Variants in SLC38A10 observed in about 807,000 individuals in gnomAD.
SLC38A10 encodes the protein solute carrier family 38 member 10.
A neutral mutation model predicts 81.0 loss-of-function variants in SLC38A10; 53 were observed. That is an observed-to-expected ratio of 0.65 (90% CI 0.53 to 0.82). The LOEUF (loss-of-function observed/expected upper bound fraction) is 0.82, where lower values mean the gene tolerates loss of function less well. Ranked by LOEUF, SLC38A10 falls within the 40% of genes least tolerant of loss-of-function variation. The probability of loss-of-function intolerance (pLI) is 0.00; values close to 1 mark genes in which losing one functional copy is unlikely to be tolerated. For missense variants in SLC38A10, 1,471 were observed against 1,545.0 expected, an observed-to-expected ratio of 0.95 and a Z score of 0.80; for synonymous variants, 665 against 655.3, an observed-to-expected ratio of 1.01 and a Z score of -0.23.
intron 1 of SLC38A10, among the ~76,000 whole-genome samples, chr17:81,290,505 T>C (rs2063301901): frequency 6.6e-6 from 1 of 152,212 alleles, no homozygotes; most frequent in Admixed American, 6.5e-5. Flanking sequence ...GAAGCTGGAC[T>C]CTGAATGCTA....
chr17:81,245,483 G>T lies in SLC38A10; in HGVS notation c.*73C>A. 1 of 1,499,536 alleles carries T rather than the reference G, an allele frequency of 6.7e-7. No individual in the cohort carries two copies. The allele number at this position is 1,499,536 out of a possible 1,614,324, so 92.9% of individuals were successfully genotyped here. The stretch of plus-strand genomic sequence containing the variant: ...GAGTGTGACCTCCAGAGTTTGGCTG[G>T]GATGCGGCTGAGACAGACCTGCTGC... On this transcript the variant is annotated 3_prime_UTR_variant, in exon 16 of 16. Transcript: ENST00000374759.
At position 81,245,676 on chromosome 17, in the gene SLC38A10, G is replaced by T; in HGVS notation, c.3240C>A (p.Val1080=). The change falls in exon 16 of 16, where the codon GTC becomes GTA. Residue 1080 remains valine (V), a synonymous_variant. Coordinates refer to ENST00000374759, the MANE Select transcript of SLC38A10 (RefSeq NM_001037984.3). ...VIIGLNPLPD[V]QVNDLRGALD... ...GGGCGCCACGGAGGTCGTTCACCTG[G>T]ACATCAGGCAGGGGGTTAAGGCCAA... The T allele has an allele frequency of 1.2e-6, 2 of 1,608,378 alleles. No homozygotes were observed. The highest frequency in any genetic ancestry group is 1.7e-6 in the Non-Finnish European group (2 of 1,177,930).
chr17:81,272,836 C>T (rs977391661), intron 8 of SLC38A10, among the ~76,000 whole-genome samples: 5 of 152,172 alleles, frequency 3.3e-5, no homozygotes, highest in Non-Finnish European at 5.9e-5. Context: ...CAGGAAGGCA[C>T]GAGGGCTTCT....
intron 3 of SLC38A10, 131 bp downstream of exon 3, chr17:81,284,719 T>C (rs1013187031): frequency 7.5e-6 from 5 of 666,372 alleles, no homozygotes; most frequent in Non-Finnish European, 7.2e-6. Flanking sequence ...TGGACTTTCA[T>C]GTATTTAGCG....
chr17:81,247,029 C>G lies in SLC38A10; in HGVS notation c.2098G>C (p.Val700Leu). The G allele has an allele frequency of 6.3e-7, 1 of 1,597,996 alleles. No individual in the cohort carries two copies. The highest frequency in any genetic ancestry group is 8.5e-7 in the Non-Finnish European group (1 of 1,175,586). The change falls in exon 15 of 16, where the codon GTC becomes CTC. Residue 700 changes from valine (V) to leucine (L), a missense_variant. Val to Leu is a conservative substitution (Grantham distance 32). Transcript: ENST00000374759. ...TGTTCTTTGATCACCTGAAGCAGGA[C>G]GGCGTGGTCCAGCATCTCCGCCCTG... ...AGRAEMLDHA[V>L]LLQVIKEQQV... is the part of the protein sequence containing the mutation.
At chr17:81,272,473 C>T in intron 9 of SLC38A10, 43 bp downstream of exon 9, 2 of 1,429,292 alleles carry the variant, frequency 1.4e-6, no homozygotes, top group Non-Finnish European at 1.9e-6. Flanking sequence ...TGCCGAAGCC[C>T]CGGGTCCCAC....
At chr17:81,257,753 AG>A (rs1413214673) in intron 11 of SLC38A10, among the ~76,000 whole-genome samples, 1 of 152,204 alleles carries the variant, frequency 6.6e-6, no homozygotes, top group African/African-American at 2.4e-5. Context: ...CTTCTCAGCC[AG>A]GCCCCTGCCT....
rs138304056 is a variant in SLC38A10, at chr17:81,283,031, G to A, written c.357+378C>T. On this transcript the variant is annotated intron_variant, in intron 4 of 15. Coordinates refer to ENST00000374759, the MANE Select transcript of SLC38A10 (RefSeq NM_001037984.3). The surrounding 1 kb of genome is among the most constrained non-coding windows in gnomAD (Gnocchi z 4.7). ...GGCTACCCCAAGGTCCCTGCAAGAA[G>A]TGCTGAGTCCACAGCCCCCAGAAGC... Among the ~76,000 whole-genome samples, 695 of 152,260 alleles carry A rather than the reference G, an allele frequency of 4.6e-3. 4 individuals carry two copies. Among genetic ancestry groups the A allele is most frequent in the African/African-American group, 0.016 (660 of 41,554 alleles).
intron 2 of SLC38A10, 128 bp from the exon 3 acceptor site, chr17:81,285,023 G>A (rs1019835709): frequency 1.5e-6 from 1 of 680,516 alleles, no homozygotes; most frequent in Middle Eastern, 2.6e-4. Context: ...CGGGGCATGA[G>A]GGGTATTTCA....
At chr17:81,280,257 A>C in intron 6 of SLC38A10, 1 of 442,060 alleles carries the variant, frequency 2.3e-6, no homozygotes, top group East Asian at 6.0e-5. Flanking sequence ...TTTCCTTTTA[A>C]ATATTCTCAG....
intron 10 of SLC38A10, among the ~76,000 whole-genome samples, chr17:81,269,550 A>G (rs1307540865): frequency 6.6e-6 from 1 of 152,182 alleles, no homozygotes; most frequent in Non-Finnish European, 1.5e-5. Flanking sequence ...ACTTGAAGAC[A>G]AGGCAAGATC....
In SLC38A10 at chr17:81,280,677, G is replaced by A. The variant is rs781222607; in HGVS notation, c.558C>T (p.Val186=). ...AGACGCCCTCCCAGCGGACGTAGCT[G>A]ACCCGCCGCAGCCACTGCCCACTGA... ...GLFSGQWLRR[V]SYVRWEGVFR... is the part of the protein sequence containing the mutation. Residue 186 remains valine, a synonymous_variant, in exon 6 of 16, where the codon GTC becomes GTT. Transcript: ENST00000374759. 3 of 1,608,692 alleles carry A rather than the reference G, an allele frequency of 1.9e-6. No homozygotes were observed. Among genetic ancestry groups the A allele is most frequent in the Non-Finnish European group, 2.5e-6 (3 of 1,178,520 alleles).
intron 1 of SLC38A10, among the ~76,000 whole-genome samples, chr17:81,293,291 C>T (rs2063324198): frequency 1.3e-5 from 2 of 152,210 alleles, no homozygotes; most frequent in South Asian, 2.1e-4. Context: ...CCAGAAACAC[C>T]CAGAGGTGGC....
chr17:81,257,118 T>C (rs1438816714), intron 11 of SLC38A10, among the ~76,000 whole-genome samples: 1 of 152,150 alleles, frequency 6.6e-6, no homozygotes, highest in Admixed American at 6.5e-5. Flanking sequence ...CATGCCCTAC[T>C]GAGAAAGTTT....
chr17:81,283,157 G>A lies in SLC38A10; in HGVS notation c.357+252C>T, dbSNP rs147277922. Among the ~76,000 whole-genome samples, 282 of 152,288 alleles carry A rather than the reference G, an allele frequency of 1.9e-3. 7 individuals carry two copies. In the East Asian group the frequency reaches 0.04, roughly 22 times the overall value. ...AGAGACTTGCTCTGCACTGTGCCCG[G>A]GTCTGAGGCTCCCCCACCCGCCCCT... On this transcript the variant is annotated intron_variant, in intron 4 of 15. Coordinates refer to ENST00000374759, the MANE Select transcript of SLC38A10 (RefSeq NM_001037984.3). The surrounding 1 kb of genome is among the most constrained non-coding windows in gnomAD (Gnocchi z 4.7).
In SLC38A10 at chr17:81,253,703, CCATCACCATCACCAT is replaced by C. The variant is rs2062942770; in HGVS notation, c.1289-478_1289-464del. On this transcript the variant is annotated intron_variant, in intron 11 of 15. Transcript: ENST00000374759. The surrounding 1 kb of genome is among the most constrained non-coding windows in gnomAD (Gnocchi z 4.1). ...CCTACCACCAACATCACCATCATCA[CCATCACCATCACCAT>C]CATCACCATCTCCATCCCTACCACC... Among the ~76,000 whole-genome samples the C allele has an allele frequency of 6.7e-6, 1 of 150,018 alleles. No individual in the cohort carries two copies. The highest frequency in any genetic ancestry group is 1.5e-5 in the Non-Finnish European group (1 of 67,702).
intron 10 of SLC38A10, among the ~76,000 whole-genome samples, chr17:81,261,544 G>A (rs958336938): frequency 6.6e-6 from 1 of 152,236 alleles, no homozygotes; most frequent in Non-Finnish European, 1.5e-5. Context: ...AGACCTCCCT[G>A]GTCCAATACA....
Position 81,246,632 on chromosome 17 carries a change from G to C in SLC38A10, c.2284C>G (p.Gln762Glu), listed in dbSNP as rs756952342. The change falls in exon 16 of 16, where the codon CAG (glutamine) becomes GAG (glutamate). Residue 762 changes from glutamine to glutamate, a missense_variant. By Grantham distance (29) the Gln-to-Glu change is conservative. Around this residue, in one of 2 missense-constraint regions of SLC38A10, gnomAD observed 751 missense variants for 717.4 expected, o/e 1.05. Coordinates refer to ENST00000374759, the MANE Select transcript of SLC38A10 (RefSeq NM_001037984.3). The stretch of plus-strand genomic sequence containing the variant: ...CTGGCCTTGCCTTCAGGGGCCTCCT[G>C]GCCTCTGGGCACCGCTGCCCCGGGC... ...QEPGAAVPRG[Q>E]EAPEGKARET... 3.6e-5 allele frequency: 55 copies of C among 1,514,248 alleles called. No homozygotes were observed. The African/African-American group carries it at 6.1e-4, about 17-fold the overall frequency. 93.8% of individuals were successfully genotyped at this position (1,514,248 alleles called of 1,614,324 possible). A position where few individuals can be genotyped will look rare whatever the true frequency, so the allele number is the denominator to read the frequency against.
intron 10 of SLC38A10, chr17:81,263,846 T>C (rs931108288): frequency 6.6e-6 from 1 of 152,452 alleles, no homozygotes; most frequent in Non-Finnish European, 1.5e-5. Context: ...GCCAGGAGTG[T>C]GTGTGAGCAC....
Sources: allele counts gnomAD v4.1 joint callset (sites outside exome capture counted in the v4.1 genomes callset), GRCh38; gene constraint gnomAD v4.1.1; regional missense constraint gnomAD v4.1.1; non-coding constraint Gnocchi (gnomAD v3.1); transcripts MANE v1.5; gene names NCBI Gene and HGNC (gene_info 2026-07-23, HGNC 2026-07-21).